Variants in SLC6A13 observed in about 807,000 individuals in gnomAD.
SLC6A13 encodes the protein solute carrier family 6 member 13, also known as sodium- and chloride-dependent GABA transporter 2.
SLC6A13 carries 69 observed loss-of-function variants against 72.9 expected under a neutral mutation model. That is an observed-to-expected ratio of 0.95 (90% confidence interval 0.78 to 1.16). SLC6A13 has a LOEUF of 1.16. SLC6A13 is among the 50% of genes most tolerant of loss of function. The pLI, the probability that SLC6A13 is intolerant of heterozygous loss-of-function variation, is 0.00. For missense variants in SLC6A13, 735 were observed against 760.5 expected, an observed-to-expected ratio of 0.97 and a Z score of 0.39; for synonymous variants, 303 against 303.0, an observed-to-expected ratio of 1.00 and a Z score of 0.00.
At chr12:223,069 C>A in intron 12 of SLC6A13, 63 bp downstream of exon 12, 1 of 1,029,818 alleles carries the variant, frequency 9.7e-7, no homozygotes, top group Non-Finnish European at 1.5e-6. Flanking sequence ...TGTTTCGTGT[C>A]TAAGGACCCC....
chr12:236,451 C>T (rs866861389), intron 6 of SLC6A13, among the ~76,000 whole-genome samples: 6 of 152,206 alleles, frequency 3.9e-5, no homozygotes, highest in African/African-American at 7.2e-5. Flanking sequence ...ATATTGGGAG[C>T]GGGTTCCCCG....
intron 9 of SLC6A13, among the ~76,000 whole-genome samples, chr12:225,819 G>A (rs369851189): frequency 5.3e-5 from 8 of 152,208 alleles, no homozygotes; most frequent in African/African-American, 1.9e-4. Context: ...GTGAGCAAGA[G>A]AAACATTTTA....
chr12:226,250 A>G, intron 9 of SLC6A13, 140 bp downstream of exon 9: 2 of 989,544 alleles, frequency 2.0e-6, no homozygotes, highest in Non-Finnish European at 3.1e-6. Context: ...TTCTCCGCCA[A>G]GTCTTCCCAG....
Position 243,776 on chromosome 12 carries a change from G to A in SLC6A13, c.240C>T (p.Thr80=). The change falls in exon 3 of 15, where the codon ACC becomes ACT. Residue 80 remains threonine, a synonymous_variant. Transcript: ENST00000343164. ...CCAGAAGGAAGACAGGAATGCCACAGGTAAAGAGGAAGACGAGGTAGGGGA... is the reference window on the plus strand; with the variant it reads ...CCAGAAGGAAGACAGGAATGCCACAAGTAAAGAGGAAGACGAGGTAGGGGA... ...FFIPYLVFLF[T]CGIPVFLLET... is the part of the protein sequence containing the mutation. The A allele has an allele frequency of 6.2e-7, 1 of 1,614,180 alleles. No individual in the cohort carries two copies. The highest frequency in any genetic ancestry group is 1.1e-5 in the South Asian group (1 of 91,088).
intron 7 of SLC6A13, 113 bp from the exon 8 acceptor site, chr12:227,781 C>A: frequency 1.1e-6 from 1 of 884,660 alleles, no homozygotes; most frequent in Non-Finnish European, 1.7e-6. Context: ...TGGCGAGAAA[C>A]CTGTTCTCAG....
Position 227,585 on chromosome 12 carries a change from CTTG to C in SLC6A13, c.912_914del (p.Asn304del), listed in dbSNP as rs777510994. The stretch of plus-strand genomic sequence containing the variant: ...ATCACCTGTAGCAGTTGTTGTGGTA[CTTG>C]TTGTAGCTGCCCAGGGCTGTCAGGC... On this transcript the variant is annotated inframe_deletion, in exon 8 of 15. Transcript: ENST00000343164. 3.1e-6 allele frequency: 5 copies of C among 1,613,994 alleles called. No individual in the cohort carries two copies. The highest frequency in any genetic ancestry group is 3.3e-5 in the Admixed American group (2 of 60,012).
chr12:231,127 G>A (rs576650063), intron 7 of SLC6A13, among the ~76,000 whole-genome samples: 14 of 152,298 alleles, frequency 9.2e-5, no homozygotes, highest in African/African-American at 3.1e-4. Flanking sequence ...GCCAGGACCC[G>A]GGAAAGAAAC....
chr12:226,318 A>G lies in SLC6A13; in HGVS notation c.1060+72T>C. The G allele has an allele frequency of 1.9e-6, 3 of 1,594,288 alleles. No individual in the cohort carries two copies. In the Admixed American group the frequency reaches 5.0e-5, roughly 27 times the overall value. On this transcript the variant is annotated intron_variant, in intron 9 of 14. Transcript: ENST00000343164. The stretch of plus-strand genomic sequence containing the variant: ...CCAGAGTGCAGGTGACACAATGGAA[A>G]CGCCTCTAGACGCTTGCTGCCAGAG...
intron 4 of SLC6A13, among the ~76,000 whole-genome samples, chr12:239,939 A>G (rs1160393928): frequency 8.5e-5 from 13 of 152,242 alleles, no homozygotes; most frequent in South Asian, 2.1e-4. Context: ...ATGTCAAAAA[A>G]TAATACTCAG....
rs1357707013 is a variant in SLC6A13 at position 243,797 on chromosome 12, G to A, written c.219C>T (p.Pro73=). 1.2e-6 allele frequency: 2 copies of A among 1,614,116 alleles called. No individual in the cohort carries two copies. Among genetic ancestry groups the A allele is most frequent in the East Asian group, 2.2e-5 (1 of 44,892 alleles). Residue 73 remains proline, a synonymous_variant, in exon 3 of 15, where the codon CCC becomes CCT. Coordinates refer to ENST00000343164, the MANE Select transcript of SLC6A13 (RefSeq NM_016615.5). ...CACAGGTAAAGAGGAAGACGAGGTA[G>A]GGGATGAAGAAGGCACCTGTGGTTA... is the stretch of plus-strand genomic sequence containing the variant. ...YKNGGGAFFI[P]YLVFLFTCGI... is the part of the protein sequence containing the mutation.
Position 237,917 on chromosome 12 carries a change from C to T in SLC6A13, c.563+9G>A. 1 of 1,606,680 alleles carries T rather than the reference C, an allele frequency of 6.2e-7. No individual in the cohort carries two copies. The highest frequency in any genetic ancestry group is 8.5e-7 in the Non-Finnish European group (1 of 1,173,182). On this transcript the variant is annotated intron_variant, in intron 5 of 14. Coordinates refer to ENST00000343164, the MANE Select transcript of SLC6A13 (RefSeq NM_016615.5). Reference sequence around the variant, plus strand: ...CGGCCCACAGTGGGTGGGGAAGGGTCTCACTTACTCCCAGAACTCGATGAC... The same window carrying T: ...CGGCCCACAGTGGGTGGGGAAGGGTTTCACTTACTCCCAGAACTCGATGAC...
intron 6 of SLC6A13, among the ~76,000 whole-genome samples, chr12:236,002 C>A (rs942965029): frequency 1.3e-5 from 2 of 152,154 alleles, no homozygotes; most frequent in African/African-American, 4.8e-5. Flanking sequence ...GACCAGTTCT[C>A]TGCTCTTGAA....
chr12:225,404 C>T (rs1016911998), intron 9 of SLC6A13, among the ~76,000 whole-genome samples: 1 of 152,220 alleles, frequency 6.6e-6, no homozygotes. Flanking sequence ...AATCCCAGCA[C>T]TTTGGGAGGC....
chr12:259,437 T>C, intron 2 of SLC6A13: 1 of 1,124,380 alleles, frequency 8.9e-7, no homozygotes, highest in Non-Finnish European at 1.1e-6. Context: ...GCAGAGCTAC[T>C]ATTTATTAAG....
At chr12:226,740 T>C (rs1053240121) in intron 8 of SLC6A13, 3 of 451,798 alleles carry the variant, frequency 6.6e-6, no homozygotes, top group African/African-American at 4.0e-5. Flanking sequence ...TAAATCAAGG[T>C]AGTCCTAAAA....
chr12:242,885 A>C (rs1414841414), intron 3 of SLC6A13, 131 bp from the exon 4 acceptor site: 1 of 664,848 alleles, frequency 1.5e-6, no homozygotes, highest in Non-Finnish European at 2.4e-6. Flanking sequence ...ATTGAGGGAA[A>C]CTGCTATTTT....
intron 13 of SLC6A13, among the ~76,000 whole-genome samples, chr12:222,275 C>A (rs200593798): frequency 1.3e-5 from 2 of 152,332 alleles, no homozygotes; most frequent in East Asian, 3.9e-4. Context: ...TCAGTCCTGG[C>A]CTGTGACGTT....
intron 1 of SLC6A13, among the ~76,000 whole-genome samples, chr12:261,769 T>C (rs544532164): frequency 6.6e-6 from 1 of 151,892 alleles, no homozygotes; most frequent in African/African-American, 2.4e-5. Flanking sequence ...CTACGAAAAG[T>C]ACAAAAATTA....
chr12:236,735 G>A (rs1941945393), intron 6 of SLC6A13, among the ~76,000 whole-genome samples: 1 of 152,038 alleles, frequency 6.6e-6, no homozygotes, highest in Non-Finnish European at 1.5e-5. Context: ...CAGGGCAAGA[G>A]TTCAGGAGAA....
Sources: allele counts gnomAD v4.1 joint callset (sites outside exome capture counted in the v4.1 genomes callset), GRCh38; gene constraint gnomAD v4.1.1; transcripts MANE v1.5; gene names NCBI Gene and HGNC (gene_info 2026-07-23, HGNC 2026-07-21).